The following KNTC1 variants were observed in gnomAD, a reference collection of about 807,000 sequenced individuals.
KNTC1 encodes the protein kinetochore-associated protein 1.
A neutral mutation model predicts 314.4 loss-of-function variants in KNTC1; 253 were observed. That is an observed-to-expected ratio of 0.80 (90% confidence interval 0.73 to 0.89). KNTC1 has a LOEUF of 0.89. KNTC1 is among the 40% of genes least tolerant of loss of function. The pLI, the probability that KNTC1 is intolerant of heterozygous loss-of-function variation, is 0.00. For missense variants in KNTC1, 2,475 were observed against 2,572.9 expected (o/e 0.96, Z 0.82); for synonymous variants, 901 against 901.4 (o/e 1.00, Z 0.01).
In KNTC1 at chr12:122,539,679, T is replaced by C. The variant is rs1157036156; in HGVS notation, c.370T>C (p.Phe124Leu). The C allele has an allele frequency of 1.9e-6, 3 of 1,558,656 alleles. No homozygotes were observed. In the South Asian group the frequency reaches 3.6e-5, roughly 19 times the overall value. The change falls in exon 5 of 64, where the codon TTT (phenylalanine) becomes CTT (leucine). Residue 124 changes from phenylalanine (F) to leucine (L), a missense_variant. Phe to Leu is a conservative substitution (Grantham distance 22). Coordinates refer to ENST00000333479, the MANE Select transcript of KNTC1 (RefSeq NM_014708.6). ...TSKQTLLTNA[F>L]VQKANDENRR... is the part of the protein sequence containing the mutation. ...TTTGAAATTAATTTGCATTTAGGCA[T>C]TTGTTCAGAAAGCTAACGATGAAAA...
At chr12:122,555,676 C>T (rs940734693) in intron 16 of KNTC1, among the ~76,000 whole-genome samples, 1 of 152,052 alleles carries the variant, frequency 6.6e-6, no homozygotes, top group African/African-American at 2.4e-5. Context: ...GATGAAACTC[C>T]GTCTCTACTA....
intron 1 of KNTC1, among the ~76,000 whole-genome samples, chr12:122,528,068 T>C (rs1960902436): frequency 6.6e-6 from 1 of 151,676 alleles, no homozygotes. Flanking sequence ...AAAGACATTT[T>C]GTGTTCTGTT....
chr12:122,531,981 G>C (rs563935505), intron 2 of KNTC1, among the ~76,000 whole-genome samples: 14 of 149,292 alleles, frequency 9.4e-5, no homozygotes, highest in East Asian at 4.1e-4. Context: ...GATCCGCCCG[G>C]CTCGGCCTCC....
intron 40 of KNTC1, among the ~76,000 whole-genome samples, chr12:122,589,727 C>G (rs573688175): frequency 6.6e-6 from 1 of 150,562 alleles, no homozygotes; most frequent in East Asian, 1.9e-4. Context: ...CCACCTTGGT[C>G]TCCTGAAATG....
At chr12:122,609,978 C>T (rs1443901066) in intron 52 of KNTC1, among the ~76,000 whole-genome samples, 1 of 152,202 alleles carries the variant, frequency 6.6e-6, no homozygotes, top group African/African-American at 2.4e-5. Context: ...GTTCACATGC[C>T]AGCCAGCTTT....
intron 5 of KNTC1, among the ~76,000 whole-genome samples, chr12:122,541,362 T>C (rs917333779): frequency 2.7e-5 from 4 of 149,524 alleles, no homozygotes; most frequent in African/African-American, 9.9e-5. Context: ...TTTTTTTTTT[T>C]CTGAGATGGA....
intron 10 of KNTC1, 30 bp from the exon 11 acceptor site, chr12:122,547,385 G>A: frequency 1.4e-6 from 2 of 1,383,954 alleles, no homozygotes; most frequent in South Asian, 1.2e-5. Context: ...CAAAAAAAAA[G>A]GACATGTAAA....
In KNTC1 at chr12:122,577,017, T is replaced by A. The variant is rs189280253; in HGVS notation, c.2709T>A (p.Ile903=). The change falls in exon 30 of 64, where the codon ATT becomes ATA. Residue 903 remains isoleucine, a synonymous_variant. Transcript: ENST00000333479. ...EIYSLRIIDL[I]DREQGEDCLL... is the part of the protein sequence containing the mutation. ...ACAGTCTAAGAATTATTGACCTGATTGATAGAGAACAGGTTTGTAAGTTTT... is the reference window on the plus strand; with the variant it reads ...ACAGTCTAAGAATTATTGACCTGATAGATAGAGAACAGGTTTGTAAGTTTT... 2.2e-5 allele frequency: 34 copies of A among 1,548,298 alleles called. No individual in the cohort carries two copies. In the East Asian group the frequency reaches 7.5e-4, roughly 34 times the overall value.
rs908521150 is a variant in KNTC1 at position 122,542,456 on chromosome 12, G to C, written c.523+329G>C. Among the ~76,000 whole-genome samples the C allele has an allele frequency of 2.6e-5, 4 of 152,264 alleles. No homozygotes were observed. In the South Asian group the frequency reaches 8.3e-4, roughly 32 times the overall value. On this transcript the variant is annotated intron_variant, in intron 6 of 63. Coordinates refer to ENST00000333479, the MANE Select transcript of KNTC1 (RefSeq NM_014708.6). ...GGTGGATGAACCTGGAAATGGAAATGACTATGTAGTGTTAATAGTGCAGAA... is the reference window on the plus strand; with the variant it reads ...GGTGGATGAACCTGGAAATGGAAATCACTATGTAGTGTTAATAGTGCAGAA...
chr12:122,547,597 T>C, intron 11 of KNTC1, 67 bp downstream of exon 11: 1 of 986,830 alleles, frequency 1.0e-6, no homozygotes, highest in South Asian at 1.4e-5. Flanking sequence ...TCTGGTTTTG[T>C]TCAGGTCATT....
chr12:122,590,762 A>C (rs771380677), intron 41 of KNTC1, 27 bp downstream of exon 41: 9 of 1,598,770 alleles, frequency 5.6e-6, no homozygotes, highest in Admixed American at 1.7e-5. Flanking sequence ...CACACCTTCA[A>C]TTCTTGAAGT....
At chr12:122,594,604 C>T (rs1467262243) in intron 43 of KNTC1, among the ~76,000 whole-genome samples, 1 of 152,196 alleles carries the variant, frequency 6.6e-6, no homozygotes, top group Non-Finnish European at 1.5e-5. Context: ...TCCTGATAAG[C>T]ACTGCTTAGG....
chr12:122,623,826 G>A (rs919384784), intron 62 of KNTC1, among the ~76,000 whole-genome samples: 9 of 152,152 alleles, frequency 5.9e-5, no homozygotes, highest in Non-Finnish European at 8.8e-5. Flanking sequence ...CAGCACTTTG[G>A]GAGGCCGAGG....
rs773064137 is a variant in KNTC1 at position 122,591,471 on chromosome 12, T to G, written c.4245+18T>G. 1 of 1,191,508 alleles carries G rather than the reference T, an allele frequency of 8.4e-7. No individual in the cohort carries two copies. The highest frequency in any genetic ancestry group is 1.2e-6 in the Non-Finnish European group (1 of 804,146). 73.8% of individuals were successfully genotyped at this position (1,191,508 alleles called of 1,614,324 possible). A position where few individuals can be genotyped will look rare whatever the true frequency, so the allele number is the denominator to read the frequency against. ...AACTTGGTGTGAGTATTCTTTGTAC[T>G]GCTGTCATCGATTCTGTTAATTACC... On this transcript the variant is annotated intron_variant, in intron 42 of 63. Transcript: ENST00000333479.
chr12:122,601,811 A>AT, intron 45 of KNTC1, 186 bp downstream of exon 45: 1 of 565,526 alleles, frequency 1.8e-6, no homozygotes, highest in South Asian at 3.7e-5. Flanking sequence ...TGACATTCCT[A>AT]TTTTATCACT....
At position 122,597,951 on chromosome 12, in the gene KNTC1, T is replaced by C. The variant is rs1453414750; in HGVS notation, c.4563+13T>C. On this transcript the variant is annotated intron_variant, in intron 44 of 63. Coordinates refer to ENST00000333479, the MANE Select transcript of KNTC1 (RefSeq NM_014708.6). ...AATACTACATAAGGTAGACACACAG[T>C]GAAATGAATCGGGTCATCTCAGCCA... 1.2e-6 allele frequency: 2 copies of C among 1,607,194 alleles called. No homozygotes were observed. The highest frequency in any genetic ancestry group is 1.7e-6 in the Non-Finnish European group (2 of 1,173,768).
chr12:122,577,645 T>C, intron 30 of KNTC1, 27 bp from the exon 31 acceptor site: 1 of 1,595,014 alleles, frequency 6.3e-7, no homozygotes, highest in Non-Finnish European at 8.5e-7. Context: ...CCAGCTGTTT[T>C]TTCTTCCTTT....
At chr12:122,563,774 G>A (rs933973900) in intron 20 of KNTC1, 27 of 1,466,376 alleles carry the variant, frequency 1.8e-5, no homozygotes, top group Middle Eastern at 3.7e-4. Flanking sequence ...AACGCCAGTC[G>A]TGCCCATATG....
intron 13 of KNTC1, among the ~76,000 whole-genome samples, chr12:122,550,078 A>G (rs938884751): frequency 6.6e-6 from 1 of 152,078 alleles, no homozygotes; most frequent in Non-Finnish European, 1.5e-5. Context: ...TATTAAAAAA[A>G]AAGTCAAAAC....
Sources: gnomAD v4.1 joint callset for allele counts (sites outside exome capture counted in the v4.1 genomes callset) on GRCh38, gnomAD v4.1.1 for gene constraint, MANE v1.5 for transcripts, NCBI Gene and HGNC (gene_info 2026-07-23, HGNC 2026-07-21) for gene names.